The following SCAPER variants were observed in gnomAD, a reference collection of about 807,000 sequenced individuals.
SCAPER encodes the protein S-phase cyclin A associated protein in the ER, also known as S phase cyclin A-associated protein in the endoplasmic reticulum.
A neutral mutation model predicts 182.2 loss-of-function variants in SCAPER; 98 were observed. That is an observed-to-expected ratio of 0.54 (90% confidence interval 0.46 to 0.64). The LOEUF (loss-of-function observed/expected upper bound fraction) is 0.64. SCAPER is among the 30% of genes least tolerant of loss of function. SCAPER has a pLI of 0.00. For synonymous variants in SCAPER, 605 were observed against 564.6 expected (o/e 1.07, Z -1.01); for missense variants, 1,432 against 1,690.0 (o/e 0.85, Z 2.68).
intron 24 of SCAPER, among the ~76,000 whole-genome samples, chr15:76,474,153 T>C (rs994354657): frequency 2.6e-5 from 4 of 152,194 alleles, no homozygotes; most frequent in African/African-American, 9.7e-5. Flanking sequence ...AATTCTTCCC[T>C]TGGTGGTACT....
intron 22 of SCAPER, among the ~76,000 whole-genome samples, chr15:76,604,452 GT>G (rs1278406633): frequency 4.9e-4 from 3 of 6,142 alleles, no homozygotes; most frequent in African/African-American, 5.2e-4. Context: ...TTGAAGTCAG[GT>G]AAGCGGGATG....
intron 21 of SCAPER, among the ~76,000 whole-genome samples, chr15:76,643,654 C>T (rs147013776): frequency 2.0e-5 from 3 of 152,160 alleles, no homozygotes; most frequent in Non-Finnish European, 2.9e-5. Context: ...TGCACTCCGG[C>T]CCAGGTGACA....
intron 1 of SCAPER, among the ~76,000 whole-genome samples, chr15:76,889,213 C>T (rs1251773309): frequency 1.3e-5 from 2 of 152,186 alleles, no homozygotes; most frequent in Non-Finnish European, 2.9e-5. Context: ...GTACCAGACA[C>T]TGCAAAAACA....
chr15:76,609,822 G>T (rs2050817075), intron 22 of SCAPER, among the ~76,000 whole-genome samples: 1 of 152,142 alleles, frequency 6.6e-6, no homozygotes, highest in Admixed American at 6.5e-5. Flanking sequence ...CTATGATTAG[G>T]TCTCACTATT....
chr15:76,843,356 C>A (rs1049617955), intron 4 of SCAPER, among the ~76,000 whole-genome samples: 7 of 152,134 alleles, frequency 4.6e-5, no homozygotes, highest in African/African-American at 1.7e-4. Context: ...ATCATCACAA[C>A]AAGCTGTGAC....
chr15:76,533,563 G>A (rs564507309), intron 23 of SCAPER, among the ~76,000 whole-genome samples: 2 of 151,986 alleles, frequency 1.3e-5, no homozygotes, highest in East Asian at 1.9e-4. Flanking sequence ...TTTGCACAAC[G>A]ATGACGCTGC....
intron 5 of SCAPER, among the ~76,000 whole-genome samples, chr15:76,823,186 C>A (rs560800921): frequency 4.5e-4 from 69 of 152,272 alleles, no homozygotes; most frequent in Admixed American, 1.1e-3. Flanking sequence ...GGGCTGGGCG[C>A]TGTGGCTCAT....
chr15:76,572,884 C>T (rs929295998), intron 23 of SCAPER, among the ~76,000 whole-genome samples: 3 of 136,170 alleles, frequency 2.2e-5, no homozygotes, highest in Non-Finnish European at 3.1e-5. Context: ...CCCATGCTTG[C>T]GTGCACTCTC....
intron 21 of SCAPER, among the ~76,000 whole-genome samples, chr15:76,647,455 T>C (rs961876779): frequency 3.3e-5 from 5 of 152,222 alleles, no homozygotes; most frequent in African/African-American, 1.2e-4. Context: ...GTGAAATAAG[T>C]CCTATGATTG....
At chr15:76,746,596 A>G (rs2061804756) in intron 15 of SCAPER, among the ~76,000 whole-genome samples, 1 of 152,274 alleles carries the variant, frequency 6.6e-6, no homozygotes, top group Non-Finnish European at 1.5e-5. Flanking sequence ...ATATTTGCAG[A>G]CTATGTGATC....
intron 22 of SCAPER, among the ~76,000 whole-genome samples, chr15:76,576,631 T>C (rs1320436158): frequency 6.6e-6 from 1 of 152,096 alleles, no homozygotes; most frequent in Non-Finnish European, 1.5e-5. Flanking sequence ...TTCGTATCAC[T>C]GAAAAAGGCA....
At chr15:76,813,162 A>G (rs534670119) in intron 5 of SCAPER, among the ~76,000 whole-genome samples, 1 of 151,210 alleles carries the variant, frequency 6.6e-6, no homozygotes, top group East Asian at 1.9e-4. Flanking sequence ...TAGGCAAGAA[A>G]GCATATAATC....
At chr15:76,834,048 T>A (rs541829260) in intron 5 of SCAPER, among the ~76,000 whole-genome samples, 2 of 152,146 alleles carry the variant, frequency 1.3e-5, no homozygotes, top group South Asian at 4.2e-4. Context: ...GACAAATGAA[T>A]ATAAATTCTT....
intron 25 of SCAPER, among the ~76,000 whole-genome samples, chr15:76,434,848 C>T (rs973811429): frequency 1.3e-5 from 2 of 152,138 alleles, no homozygotes; most frequent in African/African-American, 2.4e-5. Flanking sequence ...TTACAAGTAA[C>T]GTGGTTATTA....
chr15:76,444,032 C>T (rs1164920475), intron 25 of SCAPER, among the ~76,000 whole-genome samples: 1 of 152,166 alleles, frequency 6.6e-6, no homozygotes, highest in Non-Finnish European at 1.5e-5. Context: ...ATTATGAGTG[C>T]GTTTTGAGAA....
At chr15:76,397,768 C>T (rs1343904570) in intron 27 of SCAPER, among the ~76,000 whole-genome samples, 7 of 152,186 alleles carry the variant, frequency 4.6e-5, no homozygotes, top group Admixed American at 6.5e-5. Context: ...TGAGCCACCG[C>T]GCCCGGTCAG....
Position 76,739,965 on chromosome 15 carries a change from G to A in SCAPER, c.1867-6581C>T, listed in dbSNP as rs1004913800. 4.6e-5 allele frequency among the ~76,000 whole-genome samples: 7 copies of A among 152,190 alleles called. No homozygotes were observed. In the South Asian group the frequency reaches 6.2e-4, roughly 14 times the overall value. On this transcript the variant is annotated intron_variant, in intron 15 of 31. Transcript: ENST00000563290. ...GAGGATCACTTGTGACCAGGAGTTC[G>A]AGACCAGCCTGGGCAACATAGCAAG...
At chr15:76,870,942 G>A (rs1006415001) in intron 2 of SCAPER, among the ~76,000 whole-genome samples, 12 of 151,780 alleles carry the variant, frequency 7.9e-5, no homozygotes, top group Admixed American at 1.3e-4. Flanking sequence ...AAAAAGTACC[G>A]ACAACAACAA....
intron 20 of SCAPER, among the ~76,000 whole-genome samples, chr15:76,695,866 T>C (rs2058633424): frequency 6.6e-6 from 1 of 152,080 alleles, no homozygotes; most frequent in South Asian, 2.1e-4. Context: ...TCCCATACTA[T>C]TAAGGAGAAA....
Sources: allele counts gnomAD v4.1 joint callset (sites outside exome capture counted in the v4.1 genomes callset), GRCh38; gene constraint gnomAD v4.1.1; transcripts MANE v1.5; gene names NCBI Gene and HGNC (gene_info 2026-07-23, HGNC 2026-07-21).